Variants in RABGAP1L observed in about 807,000 individuals in gnomAD.
RABGAP1L encodes RAB GTPase activating protein 1 like.
Under a neutral mutation model 137.7 loss-of-function variants are expected in RABGAP1L, and 63 were observed. That is an observed-to-expected ratio of 0.46 (90% confidence interval 0.37 to 0.56). The LOEUF (loss-of-function observed/expected upper bound fraction) is 0.56, where lower values mean the gene tolerates loss of function less well. Among genes scored for constraint, RABGAP1L ranks in the 20% least tolerant of loss-of-function variants. The pLI is 0.00. For missense variants in RABGAP1L, 1,095 were observed against 1,244.0 expected (o/e 0.88, Z 1.80); for synonymous variants, 431 against 433.7 (o/e 0.99, Z 0.08).
chr1:174,615,414 C>A (rs752418139), intron 13 of RABGAP1L, among the ~76,000 whole-genome samples: 2 of 152,184 alleles, frequency 1.3e-5, no homozygotes, highest in Non-Finnish European at 2.9e-5. Flanking sequence ...ACAAATGCTG[C>A]TGTCTGATCG....
At chr1:174,791,810 A>G (rs1653630) in intron 18 of RABGAP1L, among the ~76,000 whole-genome samples, 95,803 of 152,058 alleles carry the variant, frequency 0.63, 33,422 homozygotes, top group East Asian at 0.93. Flanking sequence ...CTGGAAAAGA[A>G]AGTGCTTATC....
At chr1:174,447,126 A>T (rs1463496003) in intron 13 of RABGAP1L, among the ~76,000 whole-genome samples, 1 of 152,228 alleles carries the variant, frequency 6.6e-6, no homozygotes, top group Non-Finnish European at 1.5e-5. Context: ...AATAGCAAAA[A>T]TAATTCATTT....
chr1:174,632,211 G>A (rs1174473512), intron 13 of RABGAP1L, among the ~76,000 whole-genome samples: 1 of 137,782 alleles, frequency 7.3e-6, no homozygotes, highest in Non-Finnish European at 1.6e-5. Flanking sequence ...TAAGAATGTT[G>A]AATATTGGCC....
In RABGAP1L at chr1:174,266,897, T is replaced by A. The variant is rs527514332; in HGVS notation, c.987-5517T>A. Among the ~76,000 whole-genome samples, 7 of 152,234 alleles carry A rather than the reference T, an allele frequency of 4.6e-5. No individual in the cohort carries two copies. In the East Asian group the frequency reaches 7.7e-4, roughly 17 times the overall value. Reference sequence around the variant, plus strand: ...TAGAAGATGCACAGTCTTAGAAGATTTTAAAATGGCAACAGCAAAATGAAG... The same window carrying A: ...TAGAAGATGCACAGTCTTAGAAGATATTAAAATGGCAACAGCAAAATGAAG... On this transcript the variant is annotated intron_variant, in intron 7 of 25. Transcript: ENST00000681986.
rs972610926 is a variant in RABGAP1L at position 174,831,206 on chromosome 1, A to T, written c.2340+19246A>T. 1.5e-4 allele frequency among the ~76,000 whole-genome samples: 22 copies of T among 148,460 alleles called. 1 individual carries two copies. The highest frequency in any genetic ancestry group is 2.7e-4 in the Admixed American group (4 of 14,840). ...TGGAGGAAGAGAATACATTTGCCAA[A>T]ATTAACATGAACACTTTCTTAAGAA... On this transcript the variant is annotated intron_variant, in intron 19 of 25. Coordinates refer to ENST00000681986, the MANE Select transcript of RABGAP1L (RefSeq NM_001366446.1).
intron 13 of RABGAP1L, among the ~76,000 whole-genome samples, chr1:174,477,914 T>G (rs2149323135): frequency 6.6e-6 from 1 of 152,270 alleles, no homozygotes; most frequent in African/African-American, 2.4e-5. Flanking sequence ...AAAACCTGCA[T>G]GGTATATTTT....
intron 13 of RABGAP1L, among the ~76,000 whole-genome samples, chr1:174,394,543 A>T (rs963129243): frequency 6.6e-6 from 1 of 152,132 alleles, no homozygotes; most frequent in Admixed American, 6.5e-5. Context: ...TTCTGTGCTT[A>T]TGTCACCTTA....
intron 13 of RABGAP1L, among the ~76,000 whole-genome samples, chr1:174,559,641 A>T (rs1667084577): frequency 6.6e-6 from 1 of 152,190 alleles, no homozygotes; most frequent in Non-Finnish European, 1.5e-5. Flanking sequence ...AAATAATTTC[A>T]TTTGAGCCAT....
At chr1:174,757,143 T>A in intron 18 of RABGAP1L, 5 of 417,712 alleles carry the variant, frequency 1.2e-5, no homozygotes, top group Non-Finnish European at 2.5e-5. Context: ...AATTGTCAGC[T>A]TCAGTTCCCA....
intron 3 of RABGAP1L, among the ~76,000 whole-genome samples, chr1:174,226,334 G>A (rs980113204): frequency 6.6e-6 from 1 of 152,188 alleles, no homozygotes; most frequent in Non-Finnish European, 1.5e-5. Flanking sequence ...GCCAAAGTGG[G>A]CGGATCACTT....
chr1:174,537,818 A>G (rs1295562635), intron 13 of RABGAP1L, among the ~76,000 whole-genome samples: 7 of 152,304 alleles, frequency 4.6e-5, no homozygotes, highest in Non-Finnish European at 7.4e-5. Context: ...TTTCAACTCT[A>G]AAATCTTCCA....
chr1:174,462,216 A>G (rs1257264894), intron 13 of RABGAP1L, among the ~76,000 whole-genome samples: 2 of 152,184 alleles, frequency 1.3e-5, no homozygotes, highest in East Asian at 1.9e-4. Flanking sequence ...GAGCGAGACT[A>G]TCATTTTCCC....
At chr1:174,323,173 CT>C (rs1440443712) in intron 11 of RABGAP1L, among the ~76,000 whole-genome samples, 6 of 152,000 alleles carry the variant, frequency 3.9e-5, no homozygotes, top group African/African-American at 1.4e-4. Flanking sequence ...GTTTAAGAAT[CT>C]GTTTTGTGGC....
chr1:174,468,888 A>G (rs946097204), intron 13 of RABGAP1L, among the ~76,000 whole-genome samples: 3 of 152,198 alleles, frequency 2.0e-5, no homozygotes, highest in African/African-American at 4.8e-5. Flanking sequence ...GGCTTTGCAG[A>G]TAAGTGTTAT....
rs544164077 is a variant in RABGAP1L, at chr1:174,667,903, G to A, written c.1825-15619G>A. Reference sequence around the variant, plus strand: ...CTTTGTATATGCCTTACTAAGCACAGTGTTTGATATACGATAGGTGCTCAG... The same window carrying A: ...CTTTGTATATGCCTTACTAAGCACAATGTTTGATATACGATAGGTGCTCAG... On this transcript the variant is annotated intron_variant, in intron 14 of 25. Coordinates refer to ENST00000681986, the MANE Select transcript of RABGAP1L (RefSeq NM_001366446.1). Among the ~76,000 whole-genome samples the A allele has an allele frequency of 2.6e-5, 4 of 152,302 alleles. No individual in the cohort carries two copies. In the South Asian group the frequency reaches 8.3e-4, roughly 32 times the overall value.
chr1:174,732,611 C>G (rs1194064928), intron 17 of RABGAP1L, among the ~76,000 whole-genome samples: 2 of 152,058 alleles, frequency 1.3e-5, no homozygotes, highest in African/African-American at 4.8e-5. Flanking sequence ...AAAAATTCAA[C>G]CAAGTGTTCT....
intron 13 of RABGAP1L, among the ~76,000 whole-genome samples, chr1:174,595,660 G>T (rs1669828438): frequency 6.7e-6 from 1 of 149,376 alleles, no homozygotes; most frequent in East Asian, 2.0e-4. Context: ...TCCCAGTTAG[G>T]CTGCTCGGGG....
At chr1:174,914,133 C>G (rs76562106) in intron 19 of RABGAP1L, among the ~76,000 whole-genome samples, 5,163 of 152,226 alleles carry the variant, frequency 0.034, 146 homozygotes, top group Non-Finnish European at 0.051. Flanking sequence ...TCTTTATTTT[C>G]TAAACTGTGA....
chr1:174,579,362 A>G (rs1179023659), intron 13 of RABGAP1L, among the ~76,000 whole-genome samples: 1 of 152,152 alleles, frequency 6.6e-6, no homozygotes, highest in Non-Finnish European at 1.5e-5. Flanking sequence ...GGGAGTCCAC[A>G]AGAGTTTATA....
Sources: gnomAD v4.1 joint callset for allele counts (sites outside exome capture counted in the v4.1 genomes callset) on GRCh38, gnomAD v4.1.1 for gene constraint, MANE v1.5 for transcripts, NCBI Gene and HGNC (gene_info 2026-07-23, HGNC 2026-07-21) for gene names.